Variants in RIGI observed in about 807,000 individuals in gnomAD.
RIGI encodes RNA sensor RIG-I.
the RIGI span, among the ~76,000 whole-genome samples, chr9:32,472,007 A>G: frequency 6.6e-6 from 1 of 152,098 alleles, no homozygotes; most frequent in African/African-American, 2.4e-5. Flanking sequence ...TGTCAGTGCC[A>G]GTCACTGAGG....
At chr9:32,487,514 G>A in the RIGI span, 1 of 1,614,158 alleles carries the variant, frequency 6.2e-7, no homozygotes, top group South Asian at 1.1e-5. Context: ...CCTCCAGATT[G>A]TGTTTGACTG....
chr9:32,509,612 G>A, the RIGI span, among the ~76,000 whole-genome samples: 1 of 152,196 alleles, frequency 6.6e-6, no homozygotes, highest in African/African-American at 2.4e-5. Flanking sequence ...AAGACCAAGG[G>A]CAGATAAATC....
chr9:32,473,556 A>AT, the RIGI span, among the ~76,000 whole-genome samples: 1 of 152,126 alleles, frequency 6.6e-6, no homozygotes, highest in South Asian at 2.1e-4. Context: ...AAGTGCTGGG[A>AT]TTACAGGCAT....
chr9:32,513,332 C>T, the RIGI span, among the ~76,000 whole-genome samples: 4 of 152,166 alleles, frequency 2.6e-5, no homozygotes, highest in African/African-American at 9.7e-5. Context: ...TACTACAAGG[C>T]TACAGTAATC....
chr9:32,487,407 G>A, the RIGI span: 4 of 1,470,082 alleles, frequency 2.7e-6, no homozygotes, highest in Non-Finnish European at 3.8e-6. Context: ...CGTCTAGATG[G>A]CTCTGAACTA....
chr9:32,499,311 G>GTTTTTTTTTTTTTTTTTTTTTTTT, the RIGI span, among the ~76,000 whole-genome samples: 1 of 81,134 alleles, frequency 1.2e-5, no homozygotes, highest in Non-Finnish European at 2.3e-5. Flanking sequence ...CAGAGTTTGT[G>GTTTTTTTTTTTTTTTTTTTTTTTT]ATTTGTTTTT....
chr9:32,459,430 G>T, the RIGI span: 1 of 1,613,790 alleles, frequency 6.2e-7, no homozygotes, highest in Non-Finnish European at 8.5e-7. Flanking sequence ...CTGCAGAGCA[G>T]TTTTTTATTT....
the RIGI span, among the ~76,000 whole-genome samples, chr9:32,458,889 C>CTTTTTTT: frequency 4.0e-5 from 5 of 125,032 alleles, no homozygotes; most frequent in South Asian, 2.6e-4. Flanking sequence ...TTTAGCATGA[C>CTTTTTTT]TTTTTTTTTT....
chr9:32,520,786 C>T, the RIGI span, among the ~76,000 whole-genome samples: 4 of 151,992 alleles, frequency 2.6e-5, no homozygotes, highest in Admixed American at 6.6e-5. Context: ...AATAGGAAAT[C>T]GTAAAACGTT....
At chr9:32,515,317 CA>C in the RIGI span, among the ~76,000 whole-genome samples, 97 of 111,222 alleles carry the variant, frequency 8.7e-4, 1 homozygote, top group East Asian at 1.7e-3. Flanking sequence ...GACTCTGTCT[CA>C]AAAAAAAAAA....
the RIGI span, among the ~76,000 whole-genome samples, chr9:32,512,653 C>G: frequency 2.0e-5 from 3 of 152,148 alleles, no homozygotes; most frequent in Non-Finnish European, 4.4e-5. Context: ...CCTTTGAAAA[C>G]CAGCACAAGA....
the RIGI span, among the ~76,000 whole-genome samples, chr9:32,469,826 C>T: frequency 6.6e-6 from 1 of 151,944 alleles, no homozygotes; most frequent in Non-Finnish European, 1.5e-5. Flanking sequence ...CGTGTGGATC[C>T]TAAAGACATC....
At chr9:32,481,588 C>CT in the RIGI span, 23,939 of 728,732 alleles carry the variant, frequency 0.033, no homozygotes, top group Middle Eastern at 0.043. Flanking sequence ...TTTTCTTTTT[C>CT]TTTTTTTTTT....
chr9:32,483,025 T>C, the RIGI span, among the ~76,000 whole-genome samples: 5 of 152,092 alleles, frequency 3.3e-5, no homozygotes, highest in African/African-American at 9.7e-5. Flanking sequence ...TCTCCTAGGA[T>C]AAGCCTCAGT....
the RIGI span, among the ~76,000 whole-genome samples, chr9:32,487,009 C>T: frequency 6.6e-6 from 1 of 152,098 alleles, no homozygotes; most frequent in Non-Finnish European, 1.5e-5. Flanking sequence ...CATCAATAAA[C>T]AACTGTTAGT....
At chr9:32,486,675 G>A in the RIGI span, among the ~76,000 whole-genome samples, 1 of 152,070 alleles carries the variant, frequency 6.6e-6, no homozygotes, top group African/African-American at 2.4e-5. Context: ...AAAGGTGGGA[G>A]AGAGAAAGCA....
the RIGI span, among the ~76,000 whole-genome samples, chr9:32,466,070 T>C: frequency 6.6e-6 from 1 of 152,246 alleles, no homozygotes; most frequent in African/African-American, 2.4e-5. Context: ...TAGCTCAATT[T>C]GCCTTTTAGA....
chr9:32,481,224 G>T, the RIGI span: 2 of 1,024,880 alleles, frequency 2.0e-6, no homozygotes, highest in Non-Finnish European at 2.8e-6. Flanking sequence ...TTTCTGGAAA[G>T]GTTCCTAAGT....
chr9:32,489,453 T>C, the RIGI span: 1 of 1,606,298 alleles, frequency 6.2e-7, no homozygotes. Flanking sequence ...CAGACACTTC[T>C]GGAATACAAA....
Sources: allele counts gnomAD v4.1 joint callset (sites outside exome capture counted in the v4.1 genomes callset), GRCh38; gene constraint gnomAD v4.1.1; transcripts MANE v1.5; gene names NCBI Gene and HGNC (gene_info 2026-07-23, HGNC 2026-07-21).